Variants in MEMO1 observed in about 807,000 individuals in gnomAD.
MEMO1 encodes mediator of cell motility 1, also known as protein MEMO1.
Under a neutral mutation model 45.2 loss-of-function variants are expected in MEMO1, and 6 were observed. That is an observed-to-expected ratio of 0.13 (90% CI 0.07 to 0.26). The LOEUF (loss-of-function observed/expected upper bound fraction) is 0.26, where lower values mean the gene tolerates loss of function less well. Among genes scored for constraint, MEMO1 ranks in the 10% least tolerant of loss-of-function variants. MEMO1 has a pLI of 1.00. For synonymous variants in MEMO1, 78 were observed against 124.3 expected (o/e 0.63, Z 2.48); for missense variants, 184 against 370.5 (o/e 0.50, Z 4.13).
chr2:32,002,891 T>C lies in MEMO1; in HGVS notation c.61+7296A>G, dbSNP rs545326795. On this transcript the variant is annotated intron_variant, in intron 2 of 9. Coordinates refer to ENST00000404530, the MANE Select transcript of MEMO1 (RefSeq NM_001301833.4). ...AACTAGAAATAATCAGGCAATCATA[T>C]CAACAGTTTGCCTGTTAAATATGTT... 2.0e-5 allele frequency among the ~76,000 whole-genome samples: 3 copies of C among 152,306 alleles called. No individual in the cohort carries two copies. In the South Asian group the frequency reaches 6.2e-4, roughly 32 times the overall value.
In MEMO1 at chr2:31,933,356, TA is replaced by T. The variant is rs1558514439; in HGVS notation, c.144-1222del. On this transcript the variant is annotated intron_variant, in intron 3 of 9. Coordinates refer to ENST00000404530, the MANE Select transcript of MEMO1 (RefSeq NM_001301833.4). ...AAAAAAAAAAAAAAAAAAATTTATA[TA>T]TATATATATATATATATATATATAT... Among the ~76,000 whole-genome samples the T allele has an allele frequency of 3.7e-4, 9 of 24,268 alleles. 1 individual carries two copies. The highest frequency in any genetic ancestry group is 1.4e-3 in the East Asian group (1 of 740). 15.9% of individuals were successfully genotyped at this position (24,268 alleles called of 152,430 possible).
chr2:31,942,217 A>C (rs1425369648), intron 3 of MEMO1, among the ~76,000 whole-genome samples: 1 of 152,174 alleles, frequency 6.6e-6, no homozygotes, highest in Non-Finnish European at 1.5e-5. Flanking sequence ...AAGACAAAAT[A>C]ATCAGATTTT....
chr2:31,901,644 C>T (rs977374476), intron 6 of MEMO1, among the ~76,000 whole-genome samples: 1 of 152,026 alleles, frequency 6.6e-6, no homozygotes, highest in Non-Finnish European at 1.5e-5. Context: ...TGGTGGCTCA[C>T]GCCTGTAATC....
At chr2:32,007,320 T>C (rs1674223358) in intron 2 of MEMO1, among the ~76,000 whole-genome samples, 1 of 152,206 alleles carries the variant, frequency 6.6e-6, no homozygotes, top group Non-Finnish European at 1.5e-5. Flanking sequence ...ATTCAAATCC[T>C]ACCCCAAAAT....
chr2:31,938,880 G>T (rs569815380), intron 3 of MEMO1, among the ~76,000 whole-genome samples: 1 of 148,666 alleles, frequency 6.7e-6, no homozygotes, highest in African/African-American at 2.5e-5. Flanking sequence ...CCAACCTCCC[G>T]GGCTCAAGTG....
At chr2:32,010,720 G>T (rs1352511225) in intron 1 of MEMO1, among the ~76,000 whole-genome samples, 4 of 107,962 alleles carry the variant, frequency 3.7e-5, no homozygotes, top group Admixed American at 2.6e-4. Context: ...CCCCACCCCC[G>T]GCAGGGCCCT....
intron 2 of MEMO1, among the ~76,000 whole-genome samples, chr2:31,977,663 G>A (rs950766463): frequency 8.5e-5 from 13 of 152,048 alleles, no homozygotes; most frequent in Admixed American, 2.0e-4. Flanking sequence ...ACAGGTGTGC[G>A]CCACCACTGC....
At chr2:31,963,014 A>G (rs1215829780) in intron 2 of MEMO1, among the ~76,000 whole-genome samples, 2 of 152,220 alleles carry the variant, frequency 1.3e-5, no homozygotes, top group Admixed American at 1.3e-4. Flanking sequence ...CCTCCTGACT[A>G]AGCCTTCAAG....
Position 31,892,148 on chromosome 2 carries a change from G to GAAA in MEMO1, c.438-17_438-15dup. The GAAA allele has an allele frequency of 6.8e-6, 8 of 1,177,170 alleles. No individual in the cohort carries two copies. Among genetic ancestry groups the GAAA allele is most frequent in the African/African-American group, 1.7e-5 (1 of 58,974 alleles). 72.9% of individuals were successfully genotyped at this position (1,177,170 alleles called of 1,614,324 possible). A position where few individuals can be genotyped will look rare whatever the true frequency, so the allele number is the denominator to read the frequency against. On this transcript the variant is annotated splice_polypyrimidine_tract_variant and intron_variant, in intron 6 of 9. Transcript: ENST00000404530. Reference sequence around the variant, plus strand: ...TCATCCTTATGGCTTAAAGAAAACAGAAAAAAAAAAAATGTCATTTAAGAT... The same window carrying GAAA: ...TCATCCTTATGGCTTAAAGAAAACAGAAAAAAAAAAAAAAATGTCATTTAAGAT...
chr2:31,881,725 G>T (rs1426653383), intron 8 of MEMO1, among the ~76,000 whole-genome samples: 1 of 151,990 alleles, frequency 6.6e-6, no homozygotes, highest in Non-Finnish European at 1.5e-5. Flanking sequence ...GTCTTAATAT[G>T]TGCCAAGTGC....
chr2:31,946,083 G>T (rs1375793610), intron 2 of MEMO1, among the ~76,000 whole-genome samples: 1 of 152,140 alleles, frequency 6.6e-6, no homozygotes, highest in African/African-American at 2.4e-5. Context: ...TTCTACCTTT[G>T]AAGAGATGTT....
chr2:31,948,300 T>C (rs1312523887), intron 2 of MEMO1, among the ~76,000 whole-genome samples: 2 of 152,232 alleles, frequency 1.3e-5, no homozygotes, highest in East Asian at 1.9e-4. Flanking sequence ...CTATTCTACA[T>C]ATGTAATTTA....
intron 2 of MEMO1, among the ~76,000 whole-genome samples, chr2:31,980,271 G>A (rs1419126214): frequency 6.6e-6 from 1 of 151,974 alleles, no homozygotes; most frequent in Non-Finnish European, 1.5e-5. Flanking sequence ...CAACTCTACA[G>A]AAAATTTTAA....
chr2:31,992,674 C>T (rs1339851401), intron 2 of MEMO1, among the ~76,000 whole-genome samples: 3 of 152,186 alleles, frequency 2.0e-5, no homozygotes, highest in Non-Finnish European at 4.4e-5. Flanking sequence ...ATCCCAGCTA[C>T]TCGGGAGACT....
intron 2 of MEMO1, among the ~76,000 whole-genome samples, chr2:31,967,985 C>G (rs1013829410): frequency 1.3e-5 from 2 of 151,878 alleles, no homozygotes. Context: ...TAATAAGAAT[C>G]AAAACTCGCA....
In MEMO1 at chr2:31,868,416, C is replaced by T; in HGVS notation, c.839G>A (p.Arg280Lys). The change falls in exon 10 of 10, where the codon AGA becomes AAA. Residue 280 changes from arginine to lysine, a missense_variant. Physicochemically the swap from Arg to Lys is conservative, Grantham distance 26 (BLOSUM62 2). Transcript: ENST00000404530. ...ACTCACTGAACTGTCTTGCCAGTTT[C>T]TACACTGGCTCGACTGGGCATAATT... is the stretch of plus-strand genomic sequence containing the variant. ...FLNYAQSSQC[R>K]NWQDSSVSYA... 1 of 1,598,636 alleles carries T rather than the reference C, an allele frequency of 6.3e-7. No homozygotes were observed. The highest frequency in any genetic ancestry group is 8.5e-7 in the Non-Finnish European group (1 of 1,173,262).
intron 8 of MEMO1, 37 bp downstream of exon 8, chr2:31,883,349 C>G (rs772698906): frequency 1.5e-6 from 2 of 1,369,110 alleles, no homozygotes; most frequent in East Asian, 2.4e-5. Flanking sequence ...AAAGAAAAAG[C>G]CTTAGAGCAT....
At chr2:31,882,667 T>A (rs891026734) in intron 8 of MEMO1, among the ~76,000 whole-genome samples, 1 of 152,206 alleles carries the variant, frequency 6.6e-6, no homozygotes, top group African/African-American at 2.4e-5. Flanking sequence ...CCCTTCAGCA[T>A]AGCAGACAAG....
intron 2 of MEMO1, among the ~76,000 whole-genome samples, chr2:32,005,729 C>A (rs986244748): frequency 6.6e-6 from 1 of 152,154 alleles, no homozygotes; most frequent in Non-Finnish European, 1.5e-5. Flanking sequence ...CAATACTTCC[C>A]ACTTGCTAAT....
Sources: allele counts gnomAD v4.1 joint callset (sites outside exome capture counted in the v4.1 genomes callset), GRCh38; gene constraint gnomAD v4.1.1; transcripts MANE v1.5; gene names NCBI Gene and HGNC (gene_info 2026-07-23, HGNC 2026-07-21).